TMEM108: variants seen among roughly 807,000 people sequenced by gnomAD.
TMEM108 encodes the protein cancer/testis antigen 124.
In TMEM108, 12 loss-of-function variants were observed where a neutral mutation model predicts 35.1. The observed-to-expected ratio is 0.34, with a 90% CI of 0.22 to 0.55. The LOEUF is 0.55. TMEM108 is among the 20% of genes least tolerant of loss of function. The pLI is 0.89. For synonymous variants in TMEM108, 287 were observed against 308.6 expected (o/e 0.93, Z 0.73); for missense variants, 680 against 753.3 (o/e 0.90, Z 1.14).
At position 133,143,421 on chromosome 3, in the gene TMEM108, G is replaced by GA. The variant is rs535004606; in HGVS notation, c.-46-85834dup. On this transcript the variant is annotated intron_variant, in intron 2 of 5. Transcript: ENST00000321871. ...CATTCATCTGGAGCTGTTTAAAAAA[G>GA]AAAAAAAAAAAGAGTGCTTTATGTT... Among the ~76,000 whole-genome samples, 980 of 135,240 alleles carry GA rather than the reference G, an allele frequency of 7.2e-3. 38 individuals carry two copies. The highest frequency in any genetic ancestry group is 0.055 in the Admixed American group (756 of 13,778). 88.7% of individuals were successfully genotyped at this position (135,240 alleles called of 152,430 possible). A position where few individuals can be genotyped will look rare whatever the true frequency, so the allele number is the denominator to read the frequency against.
At chr3:133,223,105 G>A (rs1946016706) in intron 2 of TMEM108, among the ~76,000 whole-genome samples, 1 of 152,130 alleles carries the variant, frequency 6.6e-6, no homozygotes, top group Non-Finnish European at 1.5e-5. Flanking sequence ...GTTGGTCACT[G>A]GTGCATAATT....
At chr3:133,386,073 C>T (rs1308132357) in intron 4 of TMEM108, among the ~76,000 whole-genome samples, 1 of 152,188 alleles carries the variant, frequency 6.6e-6, no homozygotes, top group Non-Finnish European at 1.5e-5. Context: ...AAGTTTCTGC[C>T]AGCCAGTGGG....
chr3:133,326,386 C>G (rs2071333794), intron 3 of TMEM108, among the ~76,000 whole-genome samples: 1 of 152,146 alleles, frequency 6.6e-6, no homozygotes, highest in South Asian at 2.1e-4. Flanking sequence ...TCCCAGGAGG[C>G]AATTTGATAT....
intron 2 of TMEM108, among the ~76,000 whole-genome samples, chr3:133,222,646 A>C (rs541907275): frequency 6.6e-6 from 1 of 151,596 alleles, no homozygotes; most frequent in Non-Finnish European, 1.5e-5. Flanking sequence ...CTGCTTGACC[A>C]TTTCTGTTGT....
intron 2 of TMEM108, among the ~76,000 whole-genome samples, chr3:133,192,350 G>A (rs373868036): frequency 6.6e-6 from 1 of 152,184 alleles, no homozygotes; most frequent in East Asian, 1.9e-4. Context: ...TTGTCCAGCA[G>A]GCATGTGGGA....
chr3:133,351,437 G>A (rs899394429), intron 3 of TMEM108, among the ~76,000 whole-genome samples: 2 of 152,000 alleles, frequency 1.3e-5, no homozygotes, highest in African/African-American at 4.8e-5. Context: ...TTTGTTTGCC[G>A]GTTTTAAAAA....
intron 2 of TMEM108, among the ~76,000 whole-genome samples, chr3:133,104,875 G>T (rs987077500): frequency 2.0e-5 from 3 of 152,126 alleles, no homozygotes; most frequent in African/African-American, 7.2e-5. Flanking sequence ...TCTCAGAGCT[G>T]CTACTTTCCT....
Position 133,395,887 on chromosome 3 carries a change from C to G in TMEM108, c.1629C>G (p.Ser543=), listed in dbSNP as rs773211536. Residue 543 remains serine, a synonymous_variant, in exon 6 of 6, where the codon TCC becomes TCG. Transcript: ENST00000321871. ...AGGACCAGCTCTCAGAGCCCCGCTC[C>G]CCAGCCAATGGCGACTATAGAGACA... ...TSEDQLSEPR[S]PANGDYRDTG... 5.7e-6 allele frequency: 9 copies of G among 1,590,578 alleles called. No individual in the cohort carries two copies. Among genetic ancestry groups the G allele is most frequent in the African/African-American group, 1.4e-5 (1 of 73,592 alleles).
At chr3:133,300,137 A>T (rs1312492485) in intron 3 of TMEM108, among the ~76,000 whole-genome samples, 2 of 152,174 alleles carry the variant, frequency 1.3e-5, no homozygotes, top group African/African-American at 2.4e-5. Flanking sequence ...GAAAGCCTCC[A>T]AAATGTTTGT....
intron 3 of TMEM108, among the ~76,000 whole-genome samples, chr3:133,356,404 A>G (rs2072171350): frequency 6.6e-6 from 1 of 152,212 alleles, no homozygotes; most frequent in Admixed American, 6.5e-5. Flanking sequence ...TGCCAAAAGC[A>G]ATCTACAGAT....
chr3:133,126,771 C>A (rs2107739500), intron 2 of TMEM108, among the ~76,000 whole-genome samples: 1 of 152,206 alleles, frequency 6.6e-6, no homozygotes, highest in South Asian at 2.1e-4. Context: ...GCCCAAGTCC[C>A]TTATATAAAA....
At chr3:133,290,774 T>C (rs1947052210) in intron 3 of TMEM108, among the ~76,000 whole-genome samples, 1 of 152,156 alleles carries the variant, frequency 6.6e-6, no homozygotes, top group African/African-American at 2.4e-5. Context: ...GTGTAACTTT[T>C]TTTCTTCTCT....
At chr3:133,285,438 C>G (rs192091923) in intron 3 of TMEM108, among the ~76,000 whole-genome samples, 20 of 152,240 alleles carry the variant, frequency 1.3e-4, no homozygotes, top group Admixed American at 1.0e-3. Context: ...TCAGTATTCT[C>G]CACTGGGACA....
At chr3:133,155,788 T>G (rs1324593392) in intron 2 of TMEM108, among the ~76,000 whole-genome samples, 4 of 152,286 alleles carry the variant, frequency 2.6e-5, no homozygotes, top group Non-Finnish European at 4.4e-5. Context: ...TCTCCCGTTC[T>G]GTGGGTTGTC....
chr3:133,249,284 G>T (rs1349296), intron 3 of TMEM108, among the ~76,000 whole-genome samples: 148,455 of 152,238 alleles, frequency 0.98, 72,471 homozygotes, highest in East Asian at 1. Context: ...AATAAATAAA[G>T]ACGGAAAACT....
At chr3:133,322,114 A>C (rs1312157057) in intron 3 of TMEM108, among the ~76,000 whole-genome samples, 2 of 152,216 alleles carry the variant, frequency 1.3e-5, no homozygotes, top group Non-Finnish European at 2.9e-5. Context: ...GTTACACCTC[A>C]AGGTACTAGA....
intron 1 of TMEM108, among the ~76,000 whole-genome samples, chr3:133,041,271 G>T (rs980563229): frequency 6.6e-6 from 1 of 152,186 alleles, no homozygotes; most frequent in African/African-American, 2.4e-5. Context: ...ACACGTCTCA[G>T]GTTGTAAGCA....
intron 3 of TMEM108, among the ~76,000 whole-genome samples, chr3:133,274,344 T>TAG (rs1477689128): frequency 6.6e-6 from 1 of 152,210 alleles, no homozygotes; most frequent in Admixed American, 6.5e-5. Flanking sequence ...GGCTGATGAG[T>TAG]GACTCCCTTC....
intron 2 of TMEM108, among the ~76,000 whole-genome samples, chr3:133,152,854 C>T (rs1222914362): frequency 1.3e-5 from 2 of 152,026 alleles, no homozygotes; most frequent in South Asian, 2.1e-4. Flanking sequence ...CAATTAAGGG[C>T]GACTTAATTA....
Sources: gnomAD v4.1 joint callset for allele counts (sites outside exome capture counted in the v4.1 genomes callset) on GRCh38, gnomAD v4.1.1 for gene constraint, MANE v1.5 for transcripts, NCBI Gene and HGNC (gene_info 2026-07-23, HGNC 2026-07-21) for gene names.